The following AGBL4 variants were observed in gnomAD, a reference collection of about 807,000 sequenced individuals.
AGBL4 encodes cytosolic carboxypeptidase 6.
AGBL4 carries 58 observed loss-of-function variants against 66.4 expected under a neutral mutation model. The observed-to-expected ratio is 0.87, with a 90% CI of 0.71 to 1.09. AGBL4 has a LOEUF of 1.09. Among genes scored for constraint, AGBL4 ranks in the 50% least tolerant of loss-of-function variants. AGBL4 has a pLI of 0.00. For missense variants in AGBL4, 579 were observed against 631.0 expected (o/e 0.92, Z 0.88); for synonymous variants, 234 against 222.9 (o/e 1.05, Z -0.44).
intron 2 of AGBL4, among the ~76,000 whole-genome samples, chr1:49,811,338 A>G (rs1289261783): frequency 6.6e-6 from 1 of 152,122 alleles, no homozygotes; most frequent in Non-Finnish European, 1.5e-5. Flanking sequence ...TGTTATTTAT[A>G]GCGCTTAATT....
intron 3 of AGBL4, among the ~76,000 whole-genome samples, chr1:49,318,919 G>T (rs1429631530): frequency 6.6e-6 from 1 of 151,986 alleles, no homozygotes; most frequent in Non-Finnish European, 1.5e-5. Flanking sequence ...TTTTGCCCAG[G>T]GTTAATGAAC....
chr1:49,768,590 G>C (rs1157040182), intron 2 of AGBL4, among the ~76,000 whole-genome samples: 2 of 152,004 alleles, frequency 1.3e-5, no homozygotes, highest in Non-Finnish European at 2.9e-5. Flanking sequence ...GGAAAATCTG[G>C]AACAATTCCC....
In AGBL4 at chr1:48,533,246, A is replaced by T. The variant is rs1349470661; in HGVS notation, c.*927T>A. Reference sequence around the variant, plus strand: ...AGACCCCCCTGGACCCATTCATCATACAAAGGCACTTTACTCTTCACAAAA... The same window carrying T: ...AGACCCCCCTGGACCCATTCATCATTCAAAGGCACTTTACTCTTCACAAAA... On this transcript the variant is annotated 3_prime_UTR_variant, in exon 14 of 14. Coordinates refer to ENST00000371839, the MANE Select transcript of AGBL4 (RefSeq NM_032785.4). 1 of 152,154 alleles carries T rather than the reference A, an allele frequency of 6.6e-6. No individual in the cohort carries two copies. The highest frequency in any genetic ancestry group is 2.4e-5 in the African/African-American group (1 of 41,426). 9.4% of individuals were successfully genotyped at this position (152,154 alleles called of 1,614,324 possible). A position where few individuals can be genotyped will look rare whatever the true frequency, so the allele number is the denominator to read the frequency against.
chr1:49,347,283 G>C (rs1645651758), intron 3 of AGBL4, among the ~76,000 whole-genome samples: 1 of 124,642 alleles, frequency 8.0e-6, no homozygotes, highest in South Asian at 2.5e-4. Context: ...ATGGAGTCTT[G>C]CTCTGTCACC....
intron 6 of AGBL4, among the ~76,000 whole-genome samples, chr1:48,669,536 CCA>C (rs1646243161): frequency 6.6e-6 from 1 of 152,180 alleles, no homozygotes; most frequent in Non-Finnish European, 1.5e-5. Flanking sequence ...AAAATAGCCC[CCA>C]GTCAAGAACC....
chr1:49,480,819 T>A (rs1646940431), intron 3 of AGBL4, among the ~76,000 whole-genome samples: 1 of 152,090 alleles, frequency 6.6e-6, no homozygotes, highest in African/African-American at 2.4e-5. Context: ...TTGTATGTGG[T>A]TTAAGAAGGG....
chr1:49,246,580 A>C (rs1286323550), intron 3 of AGBL4, among the ~76,000 whole-genome samples: 1 of 151,896 alleles, frequency 6.6e-6, no homozygotes, highest in African/African-American at 2.4e-5. Flanking sequence ...TCTGGGTCTT[A>C]TCTTTAAAAT....
At chr1:49,696,029 T>C (rs908817953) in intron 3 of AGBL4, among the ~76,000 whole-genome samples, 6 of 152,026 alleles carry the variant, frequency 3.9e-5, no homozygotes, top group African/African-American at 1.2e-4. Flanking sequence ...GCAAGCAGAA[T>C]AGATTGACTC....
At chr1:49,460,484 T>G (rs559481772) in intron 3 of AGBL4, among the ~76,000 whole-genome samples, 1 of 151,614 alleles carries the variant, frequency 6.6e-6, no homozygotes, top group African/African-American at 2.4e-5. Flanking sequence ...TGAGTCCTCA[T>G]GTGTTAGGTG....
intron 1 of AGBL4, among the ~76,000 whole-genome samples, chr1:49,916,729 G>A (rs1651548114): frequency 6.6e-6 from 1 of 152,162 alleles, no homozygotes; most frequent in Non-Finnish European, 1.5e-5. Context: ...AGGAAATACA[G>A]AGAACGCCAC....
chr1:49,599,153 G>A (rs902325861), intron 3 of AGBL4, among the ~76,000 whole-genome samples: 1 of 152,106 alleles, frequency 6.6e-6, no homozygotes, highest in Non-Finnish European at 1.5e-5. Flanking sequence ...TTGTTCTATT[G>A]TTTCAAATAG....
At chr1:49,579,169 A>C (rs558355357) in intron 3 of AGBL4, among the ~76,000 whole-genome samples, 1 of 152,342 alleles carries the variant, frequency 6.6e-6, no homozygotes, top group African/African-American at 2.4e-5. Context: ...ACAGCCAATT[A>C]CGGTACCTTG....
chr1:48,673,139 A>G (rs1222708690), intron 6 of AGBL4, among the ~76,000 whole-genome samples: 1 of 152,188 alleles, frequency 6.6e-6, no homozygotes, highest in Non-Finnish European at 1.5e-5. Context: ...TTCTGTTTGT[A>G]CTTATGTGCA....
At position 49,655,124 on chromosome 1, in the gene AGBL4, G is replaced by T. The variant is rs891006206; in HGVS notation, c.282+42189C>A. On this transcript the variant is annotated intron_variant, in intron 3 of 13. Coordinates refer to ENST00000371839, the MANE Select transcript of AGBL4 (RefSeq NM_032785.4). Reference sequence around the variant, plus strand: ...TTCCTTCAGAAGCTCTTGTTGGGCAGGCCTGGTGGTGACAAAATCTCTCAG... The same window carrying T: ...TTCCTTCAGAAGCTCTTGTTGGGCATGCCTGGTGGTGACAAAATCTCTCAG... Among the ~76,000 whole-genome samples, 3 of 152,154 alleles carry T rather than the reference G, an allele frequency of 2.0e-5. No homozygotes were observed. In the South Asian group the frequency reaches 6.2e-4, roughly 31 times the overall value.
chr1:49,159,966 A>G (rs1374522533), intron 4 of AGBL4, among the ~76,000 whole-genome samples: 1 of 151,896 alleles, frequency 6.6e-6, no homozygotes, highest in African/African-American at 2.4e-5. Context: ...AATTTGTCTA[A>G]CCTCTTTTCA....
intron 4 of AGBL4, among the ~76,000 whole-genome samples, chr1:49,133,637 A>G (rs1256067172): frequency 6.6e-6 from 1 of 152,140 alleles, no homozygotes; most frequent in Non-Finnish European, 1.5e-5. Flanking sequence ...ACAGTTCAGC[A>G]TGGCTGTATA....
intron 2 of AGBL4, among the ~76,000 whole-genome samples, chr1:49,742,665 C>T (rs1305973854): frequency 6.6e-6 from 1 of 152,084 alleles, no homozygotes. Context: ...TACAAGGCTA[C>T]AGTAACCAAA....
At chr1:49,560,824 GAAAAAA>G (rs1644020063) in intron 3 of AGBL4, among the ~76,000 whole-genome samples, 2 of 152,070 alleles carry the variant, frequency 1.3e-5, no homozygotes, top group South Asian at 4.2e-4. Flanking sequence ...AGTCCTAAAG[GAAAAAA>G]TCTTTTACCC....
At chr1:49,332,150 A>C (rs1331749808) in intron 3 of AGBL4, among the ~76,000 whole-genome samples, 1 of 152,188 alleles carries the variant, frequency 6.6e-6, no homozygotes, top group Non-Finnish European at 1.5e-5. Context: ...GCCCTTTTGA[A>C]AATGTCTACT....
Sources: allele counts gnomAD v4.1 joint callset (sites outside exome capture counted in the v4.1 genomes callset), GRCh38; gene constraint gnomAD v4.1.1; transcripts MANE v1.5; gene names NCBI Gene and HGNC (gene_info 2026-07-23, HGNC 2026-07-21).